Variants in PCDH15 observed in about 807,000 individuals in gnomAD.
The protein encoded by PCDH15 is protocadherin-15.
Under a neutral mutation model 178.5 loss-of-function variants are expected in PCDH15, and 129 were observed. That is an observed-to-expected ratio of 0.72 (90% confidence interval 0.63 to 0.84). The LOEUF is 0.84. Among genes scored for constraint, PCDH15 ranks in the 40% least tolerant of loss-of-function variants. The probability of loss-of-function intolerance (pLI) is 0.00; values close to 1 mark genes in which losing one functional copy is unlikely to be tolerated. For missense variants in PCDH15, 2,230 were observed against 2,099.9 expected (o/e 1.06, Z -1.21); for synonymous variants, 800 against 732.0 (o/e 1.09, Z -1.50).
In PCDH15 at chr10:54,559,952, A is replaced by G. The variant is rs374044675; in HGVS notation, c.92-32075T>C. ...GAGCAGTTTTGTTACTCTACACAAT[A>G]ATACAGTGTGTCCCCTTATTTATGT... is the stretch of plus-strand genomic sequence containing the variant. On this transcript the variant is annotated intron_variant, in intron 2 of 37. Transcript: ENST00000644397. Among the ~76,000 whole-genome samples, 4 of 151,764 alleles carry G rather than the reference A, an allele frequency of 2.6e-5. No individual in the cohort carries two copies. In the East Asian group the frequency reaches 7.7e-4, roughly 29 times the overall value.
At chr10:53,937,021 A>AT (rs2085640662) in intron 25 of PCDH15, among the ~76,000 whole-genome samples, 1 of 152,176 alleles carries the variant, frequency 6.6e-6, no homozygotes, top group African/African-American at 2.4e-5. Context: ...TAATAACAAT[A>AT]TTCAAAGAAT....
At chr10:55,248,379 A>G (rs1328906003) in intron 1 of PCDH15, among the ~76,000 whole-genome samples, 2 of 152,080 alleles carry the variant, frequency 1.3e-5, no homozygotes, top group East Asian at 1.9e-4. Flanking sequence ...CCTTAGAAAT[A>G]TATCCTTAAT....
intron 2 of PCDH15, among the ~76,000 whole-genome samples, chr10:54,911,812 G>A (rs576023206): frequency 8.5e-5 from 13 of 152,260 alleles, no homozygotes; most frequent in African/African-American, 2.4e-4. Flanking sequence ...GTTACGATGT[G>A]CCTTGTTTCC....
Position 55,355,001 on chromosome 10 carries a change from A to G in PCDH15, c.-155-188350T>C, listed in dbSNP as rs766824476. Among the ~76,000 whole-genome samples, 12 of 152,006 alleles carry G rather than the reference A, an allele frequency of 7.9e-5. 1 individual carries two copies. The highest frequency in any genetic ancestry group is 1.6e-4 in the Non-Finnish European group (11 of 67,960). Reference sequence around the variant, plus strand: ...TAATGTCATTTAAATGTAATTGGAAAGGAATTAACTTTTTAAAGACTGTCT... The same window carrying G: ...TAATGTCATTTAAATGTAATTGGAAGGGAATTAACTTTTTAAAGACTGTCT... On this transcript the variant is annotated intron_variant, in intron 2 of 5. Transcript: ENST00000613346.
chr10:54,973,218 T>C (rs1293051553), intron 2 of PCDH15, among the ~76,000 whole-genome samples: 1 of 152,134 alleles, frequency 6.6e-6, no homozygotes, highest in Non-Finnish European at 1.5e-5. Context: ...CAAACACACA[T>C]ATTTAGAGAA....
At chr10:54,804,656 G>T (rs1952745447), upstream of PCDH15, among the ~76,000 whole-genome samples, 1 of 151,368 alleles carries the variant, frequency 6.6e-6, no homozygotes, top group Non-Finnish European at 1.5e-5. Context: ...TCATCTAATT[G>T]TATTAGAATT....
chr10:53,848,346 GT>G (rs1223197622), intron 28 of PCDH15, among the ~76,000 whole-genome samples: 1 of 151,658 alleles, frequency 6.6e-6, no homozygotes, highest in African/African-American at 2.4e-5. Context: ...TGATTCAAAT[GT>G]TTTGATAAAA....
intron 1 of PCDH15, among the ~76,000 whole-genome samples, chr10:54,692,767 C>T (rs572001141): frequency 1.3e-5 from 2 of 150,744 alleles, no homozygotes; most frequent in African/African-American, 2.4e-5. Flanking sequence ...ATCTCAGATA[C>T]ATTGCCAAGA....
intron 1 of PCDH15, among the ~76,000 whole-genome samples, chr10:55,222,730 CATATATATATAT>C (rs142618720): frequency 0.1 from 12,555 of 121,308 alleles, 1,135 homozygotes; most frequent in East Asian, 0.18. Flanking sequence ...CACACACACA[CATATATATATAT>C]ATATATATAT....
chr10:55,580,910 G>C (rs1046096949), intron 2 of PCDH15, among the ~76,000 whole-genome samples: 5 of 152,242 alleles, frequency 3.3e-5, no homozygotes, highest in Admixed American at 2.0e-4. Flanking sequence ...ATCACAGATG[G>C]AAAACTCAAA....
chr10:53,919,725 T>C (rs7077840), intron 25 of PCDH15, among the ~76,000 whole-genome samples: 104,682 of 151,354 alleles, frequency 0.69, 36,753 homozygotes, highest in East Asian at 1. Flanking sequence ...CTTGGATTTG[T>C]GATTTATGGG....
intron 3 of PCDH15, among the ~76,000 whole-genome samples, chr10:54,459,563 A>G: frequency 6.6e-6 from 1 of 152,128 alleles, no homozygotes; most frequent in East Asian, 1.9e-4. Flanking sequence ...AATTAGTCCC[A>G]TAATGTAAAG....
intron 8 of PCDH15, among the ~76,000 whole-genome samples, chr10:54,283,925 T>A (rs541378075): frequency 5.3e-4 from 80 of 152,284 alleles, no homozygotes; most frequent in South Asian, 1.4e-3. Flanking sequence ...CAGAGTTCAC[T>A]GGAGCCTCAA....
At chr10:54,892,376 A>T (rs1233490850) in intron 3 of PCDH15, among the ~76,000 whole-genome samples, 2 of 152,088 alleles carry the variant, frequency 1.3e-5, no homozygotes, top group Non-Finnish European at 2.9e-5. Flanking sequence ...ATTTCCTTGA[A>T]GACAAGGAAA....
At chr10:54,288,242 C>T (rs1198727815) in intron 8 of PCDH15, among the ~76,000 whole-genome samples, 1 of 152,064 alleles carries the variant, frequency 6.6e-6, no homozygotes, top group Non-Finnish European at 1.5e-5. Flanking sequence ...ATCATTTGAA[C>T]CCAGGAGGGA....
chr10:53,980,797 A>G (rs577652092), intron 21 of PCDH15, among the ~76,000 whole-genome samples: 51 of 152,242 alleles, frequency 3.3e-4, no homozygotes, highest in Admixed American at 2.2e-3. Flanking sequence ...CATATACTCT[A>G]GAGTGCCCAA....
At chr10:55,411,828 A>C (rs921317401) in intron 2 of PCDH15, among the ~76,000 whole-genome samples, 5 of 152,088 alleles carry the variant, frequency 3.3e-5, no homozygotes, top group Non-Finnish European at 7.4e-5. Flanking sequence ...TCTCCTTCAC[A>C]GATAATCCTG....
rs74136148 is a variant in PCDH15 at position 54,420,124 on chromosome 10, G to A, written c.158-41182C>T. ...GCAAATAGAAAGTGGTAGATGGTAG[G>A]TATATATAAAATAATTGCAGAAAAA... is the stretch of plus-strand genomic sequence containing the variant. On this transcript the variant is annotated intron_variant, in intron 3 of 37. Coordinates refer to ENST00000644397, the MANE Select transcript of PCDH15 (RefSeq NM_001384140.1). Among the ~76,000 whole-genome samples, 959 of 152,106 alleles carry A rather than the reference G, an allele frequency of 6.3e-3. 8 individuals carry two copies. The highest frequency in any genetic ancestry group is 0.022 in the African/African-American group (928 of 41,520).
chr10:54,458,191 C>T (rs2076946231), intron 3 of PCDH15, among the ~76,000 whole-genome samples: 1 of 152,064 alleles, frequency 6.6e-6, no homozygotes. Flanking sequence ...TCCATAGAGT[C>T]TCTATTTGTT....
Sources: gnomAD v4.1 joint callset for allele counts (sites outside exome capture counted in the v4.1 genomes callset) on GRCh38, gnomAD v4.1.1 for gene constraint, MANE v1.5 for transcripts, NCBI Gene and HGNC (gene_info 2026-07-23, HGNC 2026-07-21) for gene names.